The following EPB41L4B variants were observed in gnomAD, a reference collection of about 807,000 sequenced individuals.
The protein encoded by EPB41L4B is band 4.1-like protein 4B.
Under a neutral mutation model 112.5 loss-of-function variants are expected in EPB41L4B, and 30 were observed. The ratio of observed to expected loss-of-function variants is 0.27; its 90% CI spans 0.20 to 0.36. The LOEUF is 0.36. Among genes scored for constraint, EPB41L4B ranks in the 10% least tolerant of loss-of-function variants. The pLI is 1.00. For missense variants in EPB41L4B, 1,024 were observed against 1,133.3 expected, an observed-to-expected ratio of 0.90 and a Z score of 1.38; for synonymous variants, 408 against 439.7, an observed-to-expected ratio of 0.93 and a Z score of 0.90.
intron 5 of EPB41L4B, among the ~76,000 whole-genome samples, chr9:109,263,546 C>T (rs971066384): frequency 4.6e-5 from 7 of 152,236 alleles, no homozygotes; most frequent in African/African-American, 1.7e-4. Flanking sequence ...TCGAACACTG[C>T]CAGCATGGCT....
At position 109,255,527 on chromosome 9, in the gene EPB41L4B, A is replaced by G; in HGVS notation, c.1153T>C (p.Ser385Pro). The change falls in exon 11 of 26, where the codon TCT (serine) becomes CCT (proline). Residue 385 changes from serine (S) to proline (P), a missense_variant. Physicochemically the swap from Ser to Pro is moderately conservative, Grantham distance 74. Coordinates refer to ENST00000374566, the MANE Select transcript of EPB41L4B (RefSeq NM_019114.5). ...SNRSDFIRLGSRFRFSGRTEY... is the reference protein window; with the variant it reads ...SNRSDFIRLGPRFRFSGRTEY... Reference sequence around the variant, plus strand: ...GCTCCCTACCTGAATCTGAAGCGAGAGCCCAGCCTGATAAAGTCGGATCTA... The same window carrying G: ...GCTCCCTACCTGAATCTGAAGCGAGGGCCCAGCCTGATAAAGTCGGATCTA... 6.2e-7 allele frequency: 1 copy of G among 1,614,156 alleles called. No individual in the cohort carries two copies. Among genetic ancestry groups the G allele is most frequent in the Non-Finnish European group, 8.5e-7 (1 of 1,179,986 alleles).
At chr9:109,225,647 C>T (rs1212964857) in intron 15 of EPB41L4B, among the ~76,000 whole-genome samples, 5 of 152,142 alleles carry the variant, frequency 3.3e-5, no homozygotes, top group South Asian at 2.1e-4. Context: ...GAGATTTGGG[C>T]GAGGACACAG....
intron 14 of EPB41L4B, 87 bp from the exon 15 acceptor site, chr9:109,243,769 C>G: frequency 7.5e-7 from 1 of 1,342,172 alleles, no homozygotes; most frequent in South Asian, 1.2e-5. Context: ...GGCATCCACC[C>G]GAGGGGCTGG....
At chr9:109,245,816 G>T (rs1834533050) in intron 14 of EPB41L4B, among the ~76,000 whole-genome samples, 1 of 152,174 alleles carries the variant, frequency 6.6e-6, no homozygotes. Flanking sequence ...TCTAAGATTG[G>T]CAAGGTCCAA....
chr9:109,270,868 C>T (rs1036426586), intron 2 of EPB41L4B, among the ~76,000 whole-genome samples: 7 of 152,118 alleles, frequency 4.6e-5, no homozygotes, highest in African/African-American at 1.4e-4. Context: ...TGAGGAACTT[C>T]GAAAAAGTCA....
chr9:109,318,040 A>C (rs1449281873), intron 1 of EPB41L4B, among the ~76,000 whole-genome samples: 2 of 152,182 alleles, frequency 1.3e-5, no homozygotes, highest in Non-Finnish European at 2.9e-5. Context: ...TAAATCTTTA[A>C]ATCGATGAGC....
chr9:109,175,256 AT>A (rs777502969), intron 25 of EPB41L4B, among the ~76,000 whole-genome samples: 53 of 152,018 alleles, frequency 3.5e-4, no homozygotes, highest in Non-Finnish European at 5.3e-4. Flanking sequence ...CAGGGGTTAG[AT>A]TTATTTAAAT....
At chr9:109,302,873 A>C (rs2119226769) in intron 1 of EPB41L4B, among the ~76,000 whole-genome samples, 1 of 152,224 alleles carries the variant, frequency 6.6e-6, no homozygotes, top group Middle Eastern at 3.4e-3. Context: ...CTTTTCCTCA[A>C]ACATAAGAGA....
intron 15 of EPB41L4B, among the ~76,000 whole-genome samples, chr9:109,217,700 C>G (rs1314991269): frequency 6.6e-6 from 1 of 152,062 alleles, no homozygotes; most frequent in Non-Finnish European, 1.5e-5. Context: ...GCCTCCCAGG[C>G]AACTGGGGCC....
intron 1 of EPB41L4B, among the ~76,000 whole-genome samples, chr9:109,312,053 G>C (rs1837432988): frequency 6.6e-6 from 1 of 152,178 alleles, no homozygotes; most frequent in African/African-American, 2.4e-5. Flanking sequence ...ACACACAGCA[G>C]AGAATAAGAG....
intron 6 of EPB41L4B, among the ~76,000 whole-genome samples, chr9:109,261,794 T>C (rs1440745947): frequency 6.6e-6 from 1 of 152,148 alleles, no homozygotes; most frequent in African/African-American, 2.4e-5. Context: ...GTAGTAAGTG[T>C]GTACTAATTT....
intron 15 of EPB41L4B, among the ~76,000 whole-genome samples, chr9:109,236,681 G>C (rs1012554815): frequency 3.9e-5 from 6 of 152,218 alleles, no homozygotes; most frequent in African/African-American, 1.4e-4. Context: ...CCTATTTGCA[G>C]AACTATTGAG....
At chr9:109,280,001 C>T (rs542670815) in intron 1 of EPB41L4B, 80 bp from the exon 2 acceptor site, 3 of 1,081,706 alleles carry the variant, frequency 2.8e-6, no homozygotes, top group South Asian at 3.0e-5. Context: ...AAACCTACTT[C>T]TCTTTGTAAA....
chr9:109,278,526 A>C (rs1835919858), intron 2 of EPB41L4B, among the ~76,000 whole-genome samples: 2 of 152,290 alleles, frequency 1.3e-5, no homozygotes, highest in African/African-American at 2.4e-5. Context: ...GTCACCTGAC[A>C]ACTTCCAGAT....
At chr9:109,229,880 T>C (rs1040585886) in intron 15 of EPB41L4B, among the ~76,000 whole-genome samples, 2 of 152,146 alleles carry the variant, frequency 1.3e-5, no homozygotes, top group South Asian at 2.1e-4. Flanking sequence ...TCACTTTCTA[T>C]GTGTGCCAAG....
intron 20 of EPB41L4B, among the ~76,000 whole-genome samples, chr9:109,194,887 A>G (rs1232348210): frequency 6.6e-6 from 1 of 151,504 alleles, no homozygotes; most frequent in Non-Finnish European, 1.5e-5. Flanking sequence ...GGAATCACAC[A>G]CTCTATGTTC....
chr9:109,251,845 C>T (rs1281591840), intron 12 of EPB41L4B, among the ~76,000 whole-genome samples: 1 of 152,160 alleles, frequency 6.6e-6, no homozygotes, highest in Admixed American at 6.5e-5. Context: ...GAAAACAGCA[C>T]ACGGTGATCA....
At chr9:109,301,101 G>A (rs1443311218) in intron 1 of EPB41L4B, 2 of 152,144 alleles carry the variant, frequency 1.3e-5, no homozygotes, top group African/African-American at 4.8e-5. Flanking sequence ...AAAATAAAAT[G>A]GCAATTTGAA....
intron 1 of EPB41L4B, among the ~76,000 whole-genome samples, chr9:109,315,074 A>G (rs909187526): frequency 3.9e-5 from 6 of 152,070 alleles, no homozygotes; most frequent in African/African-American, 1.4e-4. Context: ...ACTGGTCTCC[A>G]GTCCCTCCCC....
Sources: allele counts gnomAD v4.1 joint callset (sites outside exome capture counted in the v4.1 genomes callset), GRCh38; gene constraint gnomAD v4.1.1; transcripts MANE v1.5; gene names NCBI Gene and HGNC (gene_info 2026-07-23, HGNC 2026-07-21).